The following PLXNA4 variants were observed in gnomAD, a reference collection of about 807,000 sequenced individuals.
PLXNA4 encodes the protein plexin-A4.
Under a neutral mutation model 191.8 loss-of-function variants are expected in PLXNA4, and 44 were observed. That is an observed-to-expected ratio of 0.23 (90% CI 0.18 to 0.29). The LOEUF (loss-of-function observed/expected upper bound fraction) is 0.29. Among genes scored for constraint, PLXNA4 ranks in the 10% least tolerant of loss-of-function variants. The pLI is 1.00. For missense variants in PLXNA4, 1,800 were observed against 2,488.8 expected (o/e 0.72, Z 5.89); for synonymous variants, 1,082 against 1,009.5 (o/e 1.07, Z -1.36).
intron 24 of PLXNA4, among the ~76,000 whole-genome samples, chr7:132,161,636 C>G (rs2116636327): frequency 6.6e-6 from 1 of 152,276 alleles, no homozygotes; most frequent in South Asian, 2.1e-4. Flanking sequence ...ATCTAGCGCT[C>G]TAGCAGGCTT....
chr7:132,576,978 C>G (rs1434827047), upstream of PLXNA4: 1 of 146,206 alleles, frequency 6.8e-6, no homozygotes, highest in East Asian at 2.0e-4. This position sits in a 1 kb window ranked among gnomAD's most constrained non-coding sequence, Gnocchi z 5.8. Flanking sequence ...GGCGGCCGCC[C>G]CCCGGCAGCC....
chr7:132,481,818 G>A (rs979122538), intron 3 of PLXNA4, among the ~76,000 whole-genome samples: 3 of 152,186 alleles, frequency 2.0e-5, no homozygotes, highest in African/African-American at 7.2e-5. Flanking sequence ...CAGATGAACG[G>A]AGCACCTGGG....
At chr7:132,189,639 C>G (rs1797025779) in intron 14 of PLXNA4, among the ~76,000 whole-genome samples, 1 of 152,148 alleles carries the variant, frequency 6.6e-6, no homozygotes, top group Non-Finnish European at 1.5e-5. Context: ...CTCAGAACTC[C>G]AGGGGAGCTA....
chr7:132,138,694 C>CCAT (rs1273965934), intron 30 of PLXNA4, among the ~76,000 whole-genome samples: 5 of 152,106 alleles, frequency 3.3e-5, no homozygotes, highest in Non-Finnish European at 5.9e-5. Flanking sequence ...GAAATGGAAA[C>CCAT]CATCAAATCA....
intron 3 of PLXNA4, among the ~76,000 whole-genome samples, chr7:132,439,156 A>C (rs1795589575): frequency 6.6e-6 from 1 of 152,200 alleles, no homozygotes. Flanking sequence ...AATCTCAGGC[A>C]GATCCAGCTG....
chr7:132,480,190 T>C (rs904048900), intron 3 of PLXNA4, among the ~76,000 whole-genome samples: 12 of 152,002 alleles, frequency 7.9e-5, no homozygotes, highest in African/African-American at 2.9e-4. Context: ...AGTACAATAC[T>C]ACAGAGCGAC....
chr7:132,608,033 A>G (rs202161308), intron 2 of PLXNA4, among the ~76,000 whole-genome samples: 2 of 27,156 alleles, frequency 7.4e-5, no homozygotes, highest in African/African-American at 2.4e-4. Flanking sequence ...ATCACCATCA[A>G]CACCATCACT....
chr7:132,414,260 C>T (rs1363507811), intron 3 of PLXNA4, among the ~76,000 whole-genome samples: 4 of 152,178 alleles, frequency 2.6e-5, no homozygotes, highest in African/African-American at 9.7e-5. Context: ...GGAGGGCTTG[C>T]CAGCTGTGCC....
intron 4 of PLXNA4, among the ~76,000 whole-genome samples, chr7:132,257,295 T>A (rs182629145): frequency 5.0e-4 from 76 of 152,332 alleles, no homozygotes; most frequent in African/African-American, 1.8e-3. Flanking sequence ...TTGGAGAATT[T>A]CCATTCAAAT....
chr7:132,300,746 C>T (rs1801273913), intron 3 of PLXNA4, among the ~76,000 whole-genome samples: 2 of 152,224 alleles, frequency 1.3e-5, no homozygotes, highest in South Asian at 4.1e-4. Context: ...CTGGGAGGTG[C>T]CCCTGGAGCA....
intron 3 of PLXNA4, among the ~76,000 whole-genome samples, chr7:132,386,384 G>A (rs1805140946): frequency 6.6e-6 from 1 of 152,192 alleles, no homozygotes; most frequent in Non-Finnish European, 1.5e-5. Flanking sequence ...GGCTCCAGCT[G>A]GTCTCATTCC....
At chr7:132,288,438 T>C (rs546803582) in intron 4 of PLXNA4, among the ~76,000 whole-genome samples, 1 of 152,326 alleles carries the variant, frequency 6.6e-6, no homozygotes, top group South Asian at 2.1e-4. Flanking sequence ...CTTCAGAATC[T>C]GTTCCAGACA....
At chr7:132,495,686 TC>T in intron 2 of PLXNA4, among the ~76,000 whole-genome samples, 1 of 152,208 alleles carries the variant, frequency 6.6e-6, no homozygotes, top group South Asian at 2.1e-4. Context: ...TCATCTAGCC[TC>T]ATACTCCTCC....
chr7:132,460,133 C>A (rs1285812743), intron 3 of PLXNA4, among the ~76,000 whole-genome samples: 4 of 152,096 alleles, frequency 2.6e-5, no homozygotes, highest in Admixed American at 2.0e-4. Context: ...TTGAGGGGAT[C>A]GCTTGAGCCC....
At chr7:132,441,392 T>G (rs1795693706) in intron 3 of PLXNA4, among the ~76,000 whole-genome samples, 1 of 152,246 alleles carries the variant, frequency 6.6e-6, no homozygotes, top group East Asian at 1.9e-4. Flanking sequence ...CGTGAGTTCT[T>G]TCTGGGTGGC....
At chr7:132,360,113 C>T (rs903200672) in intron 3 of PLXNA4, among the ~76,000 whole-genome samples, 1 of 152,154 alleles carries the variant, frequency 6.6e-6, no homozygotes, top group African/African-American at 2.4e-5. Context: ...CACAACATCC[C>T]TTTTCTTATC....
chr7:132,492,140 ATGAT>A (rs1250375073), intron 2 of PLXNA4, among the ~76,000 whole-genome samples: 1 of 152,148 alleles, frequency 6.6e-6, no homozygotes, highest in Non-Finnish European at 1.5e-5. Flanking sequence ...ATGTGGCTGA[ATGAT>A]TGTTCACACT....
At chr7:132,370,275 A>C (rs941481696) in intron 3 of PLXNA4, among the ~76,000 whole-genome samples, 1 of 152,148 alleles carries the variant, frequency 6.6e-6, no homozygotes, top group Non-Finnish European at 1.5e-5. Context: ...GCTGCCCACC[A>C]CTGTGTTATC....
intron 3 of PLXNA4, among the ~76,000 whole-genome samples, chr7:132,302,079 A>C (rs1563022010): frequency 1.3e-5 from 2 of 152,230 alleles, no homozygotes; most frequent in Non-Finnish European, 2.9e-5. Context: ...TTATTTAAAA[A>C]TAATGAGTCT....
Sources: gnomAD v4.1 joint callset for allele counts (sites outside exome capture counted in the v4.1 genomes callset) on GRCh38, gnomAD v4.1.1 for gene constraint, Gnocchi (gnomAD v3.1) non-coding constraint, MANE v1.5 for transcripts, NCBI Gene and HGNC (gene_info 2026-07-23, HGNC 2026-07-21) for gene names.